BTBD16: variants seen among roughly 807,000 people sequenced by gnomAD.
BTBD16 encodes BTB domain containing 16.
BTBD16 carries 66 observed loss-of-function variants against 67.4 expected under a neutral mutation model. That is an observed-to-expected ratio of 0.98 (90% CI 0.80 to 1.20). BTBD16 has a LOEUF of 1.20. BTBD16 is among the 50% of genes most tolerant of loss of function. The pLI, the probability that BTBD16 is intolerant of heterozygous loss-of-function variation, is 0.00. For synonymous variants in BTBD16, 242 were observed against 236.4 expected (o/e 1.02, Z -0.22); for missense variants, 634 against 616.0 (o/e 1.03, Z -0.31).
In BTBD16 at chr10:122,336,556, GCGAGC is replaced by G. The variant is rs2096463570; in HGVS notation, c.1327_1331del (p.Arg443GlyfsTer7). 8.1e-6 allele frequency: 13 copies of G among 1,612,814 alleles called. No individual in the cohort carries two copies. The highest frequency in any genetic ancestry group is 9.3e-6 in the Non-Finnish European group (11 of 1,179,654). On this transcript the variant is annotated frameshift_variant, in exon 15 of 16. Transcript: ENST00000260723. LOFTEE classifies it high-confidence loss of function. The stretch of plus-strand genomic sequence containing the variant: ...TCTACGAGCACAACCACGTCAGCCT[GCGAGC>G]GGCACGCCTGGTGAAGTATGAGATC...
intron 13 of BTBD16, 57 bp from the exon 14 acceptor site, chr10:122,334,824 C>T: frequency 1.8e-6 from 2 of 1,125,344 alleles, no homozygotes; most frequent in Non-Finnish European, 2.7e-6. Flanking sequence ...GCCCGGGTGA[C>T]TTTGAATACT....
intron 7 of BTBD16, chr10:122,294,228 A>G (rs1033182940): frequency 1.0e-6 from 1 of 985,278 alleles, no homozygotes; most frequent in Non-Finnish European, 1.2e-6. Flanking sequence ...CATAGGATAC[A>G]TGTGTGTTTG....
At chr10:122,274,847 C>CA (rs58011471) in intron 1 of BTBD16, among the ~76,000 whole-genome samples, 193 bp from the exon 2 acceptor site, 58,195 of 151,354 alleles carry the variant, frequency 0.38, 11,376 homozygotes, top group East Asian at 0.62. Flanking sequence ...CACCTGCTTA[C>CA]AAAAAAAACA....
At chr10:122,322,474 G>T (rs1213257973) in intron 10 of BTBD16, among the ~76,000 whole-genome samples, 1 of 152,176 alleles carries the variant, frequency 6.6e-6, no homozygotes, top group African/African-American at 2.4e-5. Context: ...CTCCATGAGG[G>T]GCAAAGGGTC....
chr10:122,307,422 A>G, intron 10 of BTBD16, 114 bp downstream of exon 10: 1 of 1,136,562 alleles, frequency 8.8e-7, no homozygotes, highest in South Asian at 1.8e-5. Context: ...AGCATCATTC[A>G]GAGGGCACTG....
In BTBD16 at chr10:122,338,064, A is replaced by T. The variant is rs777760126; in HGVS notation, c.1500A>T (p.Ala500=). The T allele has an allele frequency of 4.3e-6, 7 of 1,609,334 alleles. No homozygotes were observed. Among genetic ancestry groups the T allele is most frequent in the Non-Finnish European group, 6.0e-6 (7 of 1,175,812 alleles). ...TVGIPIYVSF[A]FIFPAS ...GCATCCCAATCTATGTAAGTTTTGC[A>T]TTCATCTTCCCAGCATCTTGACAGT... Residue 500 remains alanine, a synonymous_variant, in exon 16 of 16, where the codon GCA becomes GCT. Transcript: ENST00000260723.
At chr10:122,306,352 T>C (rs1426873946) in intron 9 of BTBD16, among the ~76,000 whole-genome samples, 2 of 152,234 alleles carry the variant, frequency 1.3e-5, no homozygotes, top group African/African-American at 4.8e-5. Flanking sequence ...ATTCGTGTTG[T>C]TTCGAACCAC....
In BTBD16 at chr10:122,283,866, A is replaced by G. The variant is rs764391600; in HGVS notation, c.183A>G (p.Gln61=). The change falls in exon 4 of 16, where the codon CAA becomes CAG. Residue 61 remains glutamine, a synonymous_variant. Transcript: ENST00000260723. Reference sequence around the variant, plus strand: ...TTCCCTTGAGGTTATGCATTTCACAAATCCAGAAGTTTTTCTTTGAGAATT... The same window carrying G: ...TTCCCTTGAGGTTATGCATTTCACAGATCCAGAAGTTTTTCTTTGAGAATT... The part of the protein sequence containing the change: ...LRNPDRLCIS[Q]IQKFFFENFK... 6.2e-7 allele frequency: 1 copy of G among 1,614,146 alleles called. No homozygotes were observed. The highest frequency in any genetic ancestry group is 8.5e-7 in the Non-Finnish European group (1 of 1,179,978).
chr10:122,304,165 G>C (rs1051320132), intron 9 of BTBD16, among the ~76,000 whole-genome samples: 2 of 152,184 alleles, frequency 1.3e-5, no homozygotes, highest in Middle Eastern at 3.2e-3. Flanking sequence ...CCGGCCTCAC[G>C]ATGATTGCCA....
chr10:122,287,771 A>G (rs1357289943), intron 5 of BTBD16, among the ~76,000 whole-genome samples: 1 of 152,216 alleles, frequency 6.6e-6, no homozygotes, highest in African/African-American at 2.4e-5. Flanking sequence ...CAGGCTCTCC[A>G]GCTGCTTGAT....
intron 10 of BTBD16, among the ~76,000 whole-genome samples, chr10:122,318,357 G>A (rs1294015453): frequency 6.6e-6 from 1 of 152,058 alleles, no homozygotes; most frequent in Non-Finnish European, 1.5e-5. Context: ...TTCCATTCAT[G>A]GATTACCAAA....
rs144611158 is a variant in BTBD16, at chr10:122,333,179, G to C, written c.1164+666G>C. Among the ~76,000 whole-genome samples, 196 of 152,274 alleles carry C rather than the reference G, an allele frequency of 1.3e-3. 1 individual carries two copies. The highest frequency in any genetic ancestry group is 4.6e-3 in the African/African-American group (193 of 41,564). Reference sequence around the variant, plus strand: ...ACTAGGGGTGCTGAATGCATCATCAGAGAGTCCCCTCTGAGTCATCCCTGG... The same window carrying C: ...ACTAGGGGTGCTGAATGCATCATCACAGAGTCCCCTCTGAGTCATCCCTGG... On this transcript the variant is annotated intron_variant, in intron 13 of 15. Coordinates refer to ENST00000260723, the MANE Select transcript of BTBD16 (RefSeq NM_144587.5).
intron 15 of BTBD16, 140 bp from the exon 16 acceptor site, chr10:122,337,877 C>G: frequency 3.1e-6 from 2 of 642,140 alleles, no homozygotes; most frequent in Admixed American, 3.0e-5. Flanking sequence ...TTCAAATAAC[C>G]TCTGCAGGTT....
chr10:122,289,356 A>T (rs770733138), intron 5 of BTBD16, among the ~76,000 whole-genome samples: 2 of 152,022 alleles, frequency 1.3e-5, no homozygotes, highest in African/African-American at 2.4e-5. Flanking sequence ...TCGTTGGGGG[A>T]AGTTAGGCGA....
chr10:122,326,599 T>C (rs1490791368), intron 10 of BTBD16, among the ~76,000 whole-genome samples: 2 of 152,066 alleles, frequency 1.3e-5, no homozygotes, highest in Admixed American at 6.6e-5. Context: ...AGTGAGAAAG[T>C]TGTGGCGAAG....
At chr10:122,287,569 C>G (rs970539667) in intron 5 of BTBD16, 2 of 756,770 alleles carry the variant, frequency 2.6e-6, no homozygotes, top group African/African-American at 3.8e-5. Flanking sequence ...ATGGACCGAT[C>G]AAGCCATGGG....
intron 7 of BTBD16, among the ~76,000 whole-genome samples, chr10:122,293,285 A>C (rs2096377306): frequency 6.6e-6 from 1 of 152,218 alleles, no homozygotes; most frequent in South Asian, 2.1e-4. Flanking sequence ...GGGATCTTAC[A>C]GGTTTCAATT....
At chr10:122,276,745 G>C in intron 2 of BTBD16, 46 bp from the exon 3 acceptor site, 1 of 1,593,832 alleles carries the variant, frequency 6.3e-7, no homozygotes, top group East Asian at 2.2e-5. Flanking sequence ...GCATTTATGT[G>C]AAGTTAGAAA....
At chr10:122,301,284 A>G in intron 9 of BTBD16, among the ~76,000 whole-genome samples, 1 of 152,208 alleles carries the variant, frequency 6.6e-6, no homozygotes, top group Non-Finnish European at 1.5e-5. Flanking sequence ...TCTGACCACA[A>G]CCGGAAGGTT....
Sources: gnomAD v4.1 joint callset for allele counts (sites outside exome capture counted in the v4.1 genomes callset) on GRCh38, gnomAD v4.1.1 for gene constraint, MANE v1.5 for transcripts, NCBI Gene and HGNC (gene_info 2026-07-23, HGNC 2026-07-21) for gene names.